The following CTPS2 variants were observed in gnomAD, a reference collection of about 807,000 sequenced individuals.
CTPS2 encodes the protein CTP synthase 2.
A neutral mutation model predicts 46.8 loss-of-function variants in CTPS2; 19 were observed. The observed-to-expected ratio is 0.41, with a 90% confidence interval of 0.28 to 0.60. The LOEUF is 0.60. CTPS2 is among the 20% of genes least tolerant of loss of function. The pLI, the probability that CTPS2 is intolerant of heterozygous loss-of-function variation, is 0.35. For synonymous variants in CTPS2, 151 were observed against 165.2 expected (o/e 0.91, Z 0.66); for missense variants, 286 against 447.6 (o/e 0.64, Z 3.26).
chrX:16,611,891 C>T (rs1425338110), intron 16 of CTPS2, among the ~76,000 whole-genome samples: 1 of 112,010 alleles, frequency 8.9e-6, no homozygotes, highest in Non-Finnish European at 1.9e-5. Context: ...AGAAATCATC[C>T]GCACTTAGAG....
intron 14 of CTPS2, among the ~76,000 whole-genome samples, chrX:16,627,784 C>T (rs780697491): frequency 1.8e-5 from 2 of 111,553 alleles, no homozygotes; most frequent in Non-Finnish European, 3.8e-5. Context: ...AGGGTCTTCG[C>T]TTTCTGCACC....
In CTPS2 at chrX:16,609,531, A is replaced by G; in HGVS notation, c.1691+10T>C. 8.3e-7 allele frequency: 1 copy of G among 1,210,674 alleles called. No homozygotes were observed. Among genetic ancestry groups the G allele is most frequent in the Non-Finnish European group, 1.1e-6 (1 of 894,442 alleles). ...TCTTGGTTTATTGCTAAGAGCAGTAAGCTGGTTACCTGGAAGACAGTTTGC... is the reference window on the plus strand; with the variant it reads ...TCTTGGTTTATTGCTAAGAGCAGTAGGCTGGTTACCTGGAAGACAGTTTGC... On this transcript the variant is annotated intron_variant, in intron 17 of 18. Transcript: ENST00000359276.
chrX:16,634,056 C>T (rs748518270), intron 14 of CTPS2, among the ~76,000 whole-genome samples: 6 of 111,682 alleles, frequency 5.4e-5, no homozygotes, highest in East Asian at 2.8e-4. Context: ...GCCTCCTTAA[C>T]GCGATTAAAT....
chrX:16,595,720 G>A (rs1360960149), intron 17 of CTPS2, among the ~76,000 whole-genome samples: 2 of 112,032 alleles, frequency 1.8e-5, no homozygotes, highest in South Asian at 3.7e-4. Context: ...AGCCATGTGC[G>A]CCTAGTGCCT....
At chrX:16,677,610 C>A (rs1314987000) in intron 10 of CTPS2, among the ~76,000 whole-genome samples, 1 of 111,679 alleles carries the variant, frequency 9.0e-6, no homozygotes. Context: ...GGACTGCATT[C>A]CCAGATAGTT....
At chrX:16,625,820 A>G (rs1329648517) in intron 14 of CTPS2, among the ~76,000 whole-genome samples, 1 of 110,260 alleles carries the variant, frequency 9.1e-6, no homozygotes, top group East Asian at 2.9e-4. Context: ...ACTCCTCTCC[A>G]TGTTCAGATG....
rs1442548551 is a variant in CTPS2, at chrX:16,682,968, A to T, written c.1005+126T>A. 5.8e-6 allele frequency: 4 copies of T among 691,205 alleles called. No homozygotes were observed. In the African/African-American group the frequency reaches 9.8e-5, roughly 17 times the overall value. 57.0% of individuals were successfully genotyped at this position (691,205 alleles called of 1,213,427 possible). The stretch of plus-strand genomic sequence containing the variant: ...GTATAACTATATGATGAGTCCTGTG[A>T]GTTCTTCTGGTGAATCGTAAGTCCT... On this transcript the variant is annotated intron_variant, in intron 9 of 18. Coordinates refer to ENST00000359276, the MANE Select transcript of CTPS2 (RefSeq NM_175859.3).
intron 17 of CTPS2, among the ~76,000 whole-genome samples, chrX:16,596,883 A>G (rs1218937522): frequency 8.5e-5 from 9 of 105,553 alleles, no homozygotes; most frequent in African/African-American, 2.9e-4. Flanking sequence ...AATGATTGCC[A>G]TTCTAACTGG....
intron 8 of CTPS2, among the ~76,000 whole-genome samples, chrX:16,684,386 G>A (rs1303084957): frequency 9.2e-6 from 1 of 108,446 alleles, no homozygotes; most frequent in Non-Finnish European, 1.9e-5. Context: ...GTACGCACCT[G>A]TAATCCCAGC....
At chrX:16,621,791 GC>G (rs1569198714) in intron 14 of CTPS2, among the ~76,000 whole-genome samples, 1 of 111,827 alleles carries the variant, frequency 8.9e-6, no homozygotes, top group Non-Finnish European at 1.9e-5. Context: ...TCTTGTTTGA[GC>G]TTTTGACTTG....
intron 17 of CTPS2, among the ~76,000 whole-genome samples, chrX:16,597,090 T>C (rs1466106230): frequency 9.0e-6 from 1 of 110,512 alleles, no homozygotes; most frequent in Non-Finnish European, 1.9e-5. Context: ...ATTCTGGATA[T>C]TAGCCCTTTG....
chrX:16,658,225 G>A (rs1197371668), intron 13 of CTPS2, among the ~76,000 whole-genome samples: 1 of 108,312 alleles, frequency 9.2e-6, no homozygotes, highest in South Asian at 4.2e-4. Context: ...AAAAAAAAAG[G>A]TGATTTCTAA....
chrX:16,667,789 C>A, intron 11 of CTPS2, 65 bp from the exon 12 acceptor site: 1 of 1,025,476 alleles, frequency 9.8e-7, no homozygotes, highest in Non-Finnish European at 1.4e-6. Flanking sequence ...ATTTTCTGTT[C>A]ATTTGTTGGC....
chrX:16,704,871 C>G (rs1924872444), intron 1 of CTPS2, among the ~76,000 whole-genome samples: 2 of 108,249 alleles, frequency 1.8e-5, no homozygotes, highest in African/African-American at 7.3e-5. Flanking sequence ...TCGCTTGAAC[C>G]TGGGAGGCAG....
At chrX:16,634,096 C>A (rs1931617909) in intron 14 of CTPS2, among the ~76,000 whole-genome samples, 1 of 111,376 alleles carries the variant, frequency 9.0e-6, no homozygotes, top group African/African-American at 3.3e-5. Context: ...GACAGGAAGA[C>A]CAGATACAGG....
intron 14 of CTPS2, among the ~76,000 whole-genome samples, chrX:16,632,362 T>C (rs899563601): frequency 4.5e-5 from 5 of 111,947 alleles, no homozygotes; most frequent in Non-Finnish European, 5.6e-5. Context: ...TATACAGACC[T>C]GAAGGTAGAG....
At chrX:16,675,703 C>T (rs1369897488) in intron 10 of CTPS2, among the ~76,000 whole-genome samples, 2 of 111,423 alleles carry the variant, frequency 1.8e-5, no homozygotes, top group African/African-American at 3.3e-5. Flanking sequence ...TTTTGGTCCT[C>T]TTTAGAAGGT....
At chrX:16,633,910 T>A (rs779416249) in intron 14 of CTPS2, among the ~76,000 whole-genome samples, 83 of 111,831 alleles carry the variant, frequency 7.4e-4, no homozygotes, top group African/African-American at 2.7e-3. Context: ...ATAATCCAAC[T>A]CCTGGAAATC....
At chrX:16,668,892 A>G (rs935925781) in intron 11 of CTPS2, among the ~76,000 whole-genome samples, 12 of 111,463 alleles carry the variant, frequency 1.1e-4, no homozygotes, top group Middle Eastern at 9.3e-3. Context: ...GAGGCATCTT[A>G]GTGGGCTGCA....
Sources: gnomAD v4.1 joint callset for allele counts (sites outside exome capture counted in the v4.1 genomes callset) on GRCh38, gnomAD v4.1.1 for gene constraint, MANE v1.5 for transcripts, NCBI Gene and HGNC (gene_info 2026-07-23, HGNC 2026-07-21) for gene names.